The following TTC28 variants were observed in gnomAD, a reference collection of about 807,000 sequenced individuals.
The protein encoded by TTC28 is tetratricopeptide repeat protein 28.
TTC28 carries 61 observed loss-of-function variants against 198.0 expected under a neutral mutation model. The observed-to-expected ratio is 0.31, with a 90% CI of 0.25 to 0.38. TTC28 has a LOEUF of 0.38. Ranked by LOEUF, TTC28 falls within the 10% of genes least tolerant of loss-of-function variation. TTC28 has a pLI of 1.00. For missense variants in TTC28, 2,678 were observed against 3,164.0 expected, an observed-to-expected ratio of 0.85 and a Z score of 3.69; for synonymous variants, 1,171 against 1,297.8, an observed-to-expected ratio of 0.90 and a Z score of 2.10.
intron 5 of TTC28, among the ~76,000 whole-genome samples, chr22:28,242,200 T>G (rs1929705123): frequency 6.6e-6 from 1 of 152,168 alleles, no homozygotes; most frequent in South Asian, 2.1e-4. Flanking sequence ...GTGTCTACTC[T>G]CCAGCATTCC....
At chr22:28,453,067 T>G (rs571692016) in intron 2 of TTC28, among the ~76,000 whole-genome samples, 55 of 152,344 alleles carry the variant, frequency 3.6e-4, no homozygotes, top group Non-Finnish European at 6.5e-4. Context: ...CAACAGTTCC[T>G]GTATACAGTT....
intron 2 of TTC28, among the ~76,000 whole-genome samples, chr22:28,379,802 AAAAAGATTTTTTT>A (rs1450950402): frequency 6.6e-6 from 1 of 152,188 alleles, no homozygotes; most frequent in Non-Finnish European, 1.5e-5. Context: ...GGAAATAAAT[AAAAAGATTTTTTT>A]AATGTGAAAG....
intron 2 of TTC28, among the ~76,000 whole-genome samples, chr22:28,328,708 C>T (rs1190655647): frequency 6.7e-6 from 1 of 150,238 alleles, no homozygotes; most frequent in Non-Finnish European, 1.5e-5. Flanking sequence ...GAGCCAAGAT[C>T]GTGCCACTGC....
chr22:28,397,309 C>T (rs922928715), intron 2 of TTC28, among the ~76,000 whole-genome samples: 24 of 152,126 alleles, frequency 1.6e-4, no homozygotes, highest in African/African-American at 5.1e-4. Context: ...ACAAGAGTCC[C>T]GATGTAGGTA....
chr22:28,439,093 T>C (rs2047571902), intron 2 of TTC28, among the ~76,000 whole-genome samples: 1 of 152,230 alleles, frequency 6.6e-6, no homozygotes, highest in Non-Finnish European at 1.5e-5. Flanking sequence ...TCTGATTTAC[T>C]TTCATAACAA....
intron 5 of TTC28, among the ~76,000 whole-genome samples, chr22:28,209,690 T>G (rs1301742791): frequency 6.6e-6 from 1 of 152,222 alleles, no homozygotes; most frequent in Non-Finnish European, 1.5e-5. Flanking sequence ...TGCCTGCCTC[T>G]GCAGACTCCA....
chr22:28,351,087 G>A (rs2045988768), intron 2 of TTC28, among the ~76,000 whole-genome samples: 1 of 152,094 alleles, frequency 6.6e-6, no homozygotes, highest in African/African-American at 2.4e-5. Flanking sequence ...GGAGACTGAG[G>A]CAGGAGGATG....
chr22:28,515,367 T>C (rs1466436053), intron 2 of TTC28, among the ~76,000 whole-genome samples: 2 of 152,114 alleles, frequency 1.3e-5, no homozygotes, highest in African/African-American at 2.4e-5. Flanking sequence ...CAGTGAAAAA[T>C]TGGAGGAAAA....
chr22:28,675,789 C>T (rs1023717064), intron 1 of TTC28, among the ~76,000 whole-genome samples: 3 of 149,320 alleles, frequency 2.0e-5, no homozygotes, highest in Non-Finnish European at 4.5e-5. Flanking sequence ...TAAAAAGAGG[C>T]ATGAGCCTCT....
intron 2 of TTC28, among the ~76,000 whole-genome samples, chr22:28,593,783 T>C (rs965285617): frequency 1.3e-5 from 2 of 152,194 alleles, no homozygotes; most frequent in African/African-American, 2.4e-5. Flanking sequence ...ATAATTTTTG[T>C]TTTATTCCTT....
At chr22:28,617,858 G>C (rs1245767542) in intron 2 of TTC28, among the ~76,000 whole-genome samples, 5 of 152,142 alleles carry the variant, frequency 3.3e-5, no homozygotes, top group African/African-American at 1.2e-4. Context: ...ATATGAGACT[G>C]TCCTAGATAT....
intron 2 of TTC28, among the ~76,000 whole-genome samples, chr22:28,559,980 G>A: frequency 6.6e-6 from 1 of 152,160 alleles, no homozygotes; most frequent in Non-Finnish European, 1.5e-5. Context: ...CCAATTGGAT[G>A]TCTAAGAGGA....
At position 27,993,343 on chromosome 22, in the gene TTC28, G is replaced by T. The variant is rs1289150095; in HGVS notation, c.5420C>A (p.Thr1807Asn). Residue 1807 changes from threonine to asparagine, a missense_variant, in exon 18 of 23, where the codon ACC (threonine) becomes AAC (asparagine). Physicochemically the swap from Thr to Asn is moderately conservative, Grantham distance 65. Transcript: ENST00000397906. ...CTGGAGCCGGTCGCCCGGGTCGGAGGTTGGGAAGAAGACAGCCGCTGGCAG... is the reference window on the plus strand; with the variant it reads ...CTGGAGCCGGTCGCCCGGGTCGGAGTTTGGGAAGAAGACAGCCGCTGGCAG... ...SGLPAAVFFPTSDPGDRLQQC... is the reference protein window; with the variant it reads ...SGLPAAVFFPNSDPGDRLQQC... 2.6e-6 allele frequency: 4 copies of T among 1,550,442 alleles called. No homozygotes were observed. In the African/African-American group the frequency reaches 4.1e-5, roughly 16 times the overall value.
intron 2 of TTC28, among the ~76,000 whole-genome samples, chr22:28,476,064 C>T (rs1354341121): frequency 1.3e-5 from 2 of 152,098 alleles, no homozygotes; most frequent in African/African-American, 2.4e-5. Context: ...CCAAGAGACA[C>T]ATTGAAGGTT....
At chr22:28,422,834 CCTAA>C (rs1026711368) in intron 2 of TTC28, among the ~76,000 whole-genome samples, 21 of 151,944 alleles carry the variant, frequency 1.4e-4, no homozygotes, top group Admixed American at 4.6e-4. Flanking sequence ...ACACCAAAAG[CCTAA>C]CTTTTATTTT....
intron 5 of TTC28, among the ~76,000 whole-genome samples, chr22:28,232,379 G>A (rs909921424): frequency 2.0e-5 from 3 of 152,164 alleles, no homozygotes; most frequent in Non-Finnish European, 4.4e-5. Flanking sequence ...GCCTCATGGG[G>A]CAGCCTTTCA....
At chr22:28,411,557 C>T (rs2047081707) in intron 2 of TTC28, among the ~76,000 whole-genome samples, 2 of 152,192 alleles carry the variant, frequency 1.3e-5, no homozygotes. Flanking sequence ...TGTTCCCTGA[C>T]AACTAAATGA....
At chr22:28,452,419 G>A (rs796741238) in intron 2 of TTC28, among the ~76,000 whole-genome samples, 438 of 101,112 alleles carry the variant, frequency 4.3e-3, no homozygotes, top group African/African-American at 0.012. Context: ...AAAAAAAAAA[G>A]AGGCTGTATT....
chr22:28,270,666 G>A (rs1187358603), intron 5 of TTC28, among the ~76,000 whole-genome samples: 5 of 152,072 alleles, frequency 3.3e-5, no homozygotes, highest in Admixed American at 3.3e-4. Context: ...AAAAACTAAA[G>A]GGCAAAGATA....
Sources: gnomAD v4.1 joint callset for allele counts (sites outside exome capture counted in the v4.1 genomes callset) on GRCh38, gnomAD v4.1.1 for gene constraint, MANE v1.5 for transcripts, NCBI Gene and HGNC (gene_info 2026-07-23, HGNC 2026-07-21) for gene names.